The following SAMD3 variants were observed in gnomAD, a reference collection of about 807,000 sequenced individuals.
SAMD3 encodes the protein sterile alpha motif domain containing 3, also known as sterile alpha motif domain-containing protein 3.
Under a neutral mutation model 58.5 loss-of-function variants are expected in SAMD3, and 63 were observed. That is an observed-to-expected ratio of 1.08 (90% CI 0.88 to 1.33). The LOEUF (loss-of-function observed/expected upper bound fraction) is 1.33. SAMD3 is among the 40% of genes most tolerant of loss of function. The probability of loss-of-function intolerance (pLI) is 0.00; values close to 1 mark genes in which losing one functional copy is unlikely to be tolerated. For synonymous variants in SAMD3, 220 were observed against 210.3 expected, an observed-to-expected ratio of 1.05 and a Z score of -0.40; for missense variants, 604 against 608.4, an observed-to-expected ratio of 0.99 and a Z score of 0.08.
chr6:130,163,924 C>A (rs1790489644), intron 8 of SAMD3, among the ~76,000 whole-genome samples: 2 of 151,706 alleles, frequency 1.3e-5, no homozygotes, highest in Middle Eastern at 3.4e-3. Flanking sequence ...TATATGTACC[C>A]AATAAGTAGG....
intron 2 of SAMD3, among the ~76,000 whole-genome samples, chr6:130,293,526 TG>T (rs1337061621): frequency 1.5e-4 from 22 of 151,688 alleles, no homozygotes; most frequent in Non-Finnish European, 7.4e-5. Flanking sequence ...TTTGTGACCA[TG>T]TTTTTTTGTG....
At chr6:130,320,365 C>T (rs929906838) in intron 1 of SAMD3, among the ~76,000 whole-genome samples, 2 of 151,980 alleles carry the variant, frequency 1.3e-5, no homozygotes, top group Admixed American at 1.3e-4. Context: ...TCACTATGCA[C>T]GTATTAGAAT....
At chr6:130,308,426 T>TTCTAC (rs1776020474) in intron 2 of SAMD3, among the ~76,000 whole-genome samples, 1 of 142,104 alleles carries the variant, frequency 7.0e-6, no homozygotes. Context: ...TTCTATTCTA[T>TTCTAC]TCTATTCTAT....
At chr6:130,284,673 G>A (rs901384384) in intron 2 of SAMD3, among the ~76,000 whole-genome samples, 2 of 152,066 alleles carry the variant, frequency 1.3e-5, no homozygotes, top group African/African-American at 4.8e-5. Flanking sequence ...TAAAGTAAAA[G>A]GATGAGAAAA....
At chr6:130,270,368 C>T (rs12199779) in intron 2 of SAMD3, among the ~76,000 whole-genome samples, 3,346 of 152,330 alleles carry the variant, frequency 0.022, 45 homozygotes, top group Non-Finnish European at 0.028. Context: ...GCTGGGATTA[C>T]GGGCTTGAGC....
chr6:130,214,732 T>G (rs1795884472), intron 3 of SAMD3, among the ~76,000 whole-genome samples: 1 of 152,294 alleles, frequency 6.6e-6, no homozygotes, highest in South Asian at 2.1e-4. Context: ...TACCAGAACA[T>G]GGAATCACAA....
chr6:130,157,362 A>G (rs1789884974), intron 8 of SAMD3, among the ~76,000 whole-genome samples: 1 of 150,828 alleles, frequency 6.6e-6, no homozygotes, highest in Non-Finnish European at 1.5e-5. Context: ...TTTTTGAGAC[A>G]AGGTCTCACT....
chr6:130,167,343 G>C (rs35081495), intron 8 of SAMD3, among the ~76,000 whole-genome samples: 2,112 of 152,200 alleles, frequency 0.014, 28 homozygotes, highest in Middle Eastern at 0.075. Flanking sequence ...GATAGAAATG[G>C]GGACAGAAAG....
At chr6:130,262,269 A>G (rs1347977207) in intron 2 of SAMD3, among the ~76,000 whole-genome samples, 1 of 152,030 alleles carries the variant, frequency 6.6e-6, no homozygotes, top group Non-Finnish European at 1.5e-5. Context: ...AATGCATTCA[A>G]TTTGTAGTGG....
At chr6:130,176,516 A>C (rs71572909) in intron 7 of SAMD3, among the ~76,000 whole-genome samples, 14,439 of 152,306 alleles carry the variant, frequency 0.095, 1,093 homozygotes, top group African/African-American at 0.21. Context: ...GTTTCAAACA[A>C]AAAGACCAAC....
At chr6:130,315,323 T>C (rs1479179495) in intron 1 of SAMD3, among the ~76,000 whole-genome samples, 2 of 152,156 alleles carry the variant, frequency 1.3e-5, no homozygotes, top group Admixed American at 1.3e-4. Context: ...AAACTTGGAA[T>C]GGAAGAGTTA....
At chr6:130,327,952 G>A (rs1301772414) in intron 1 of SAMD3, among the ~76,000 whole-genome samples, 1 of 152,116 alleles carries the variant, frequency 6.6e-6, no homozygotes, top group Admixed American at 6.6e-5. Context: ...GGCAAGCATT[G>A]TTTATCTCCA....
chr6:130,196,497 C>T (rs1042420145), intron 5 of SAMD3, among the ~76,000 whole-genome samples: 2 of 152,152 alleles, frequency 1.3e-5, no homozygotes, highest in African/African-American at 4.8e-5. Flanking sequence ...ACCCTGATCA[C>T]ACTTAGTTTA....
intron 5 of SAMD3, among the ~76,000 whole-genome samples, chr6:130,200,557 C>CAAAAA (rs11375395): frequency 6.2e-5 from 6 of 97,182 alleles, no homozygotes; most frequent in Non-Finnish European, 9.6e-5. Context: ...CCCCGACCCA[C>CAAAAA]AAAAAAAAAA....
intron 1 of SAMD3, among the ~76,000 whole-genome samples, chr6:130,346,023 T>G (rs1777438042): frequency 6.6e-6 from 1 of 152,210 alleles, no homozygotes; most frequent in African/African-American, 2.4e-5. Context: ...ACTTTATCTT[T>G]TTGCAATATG....
downstream of SAMD3, among the ~76,000 whole-genome samples, chr6:130,143,546 C>T (rs939026904): frequency 6.6e-6 from 1 of 152,060 alleles, no homozygotes; most frequent in Non-Finnish European, 1.5e-5. Flanking sequence ...GCCCGGCCCA[C>T]ATGAGCCTTT....
chr6:130,153,222 A>G (rs957027441), intron 9 of SAMD3, among the ~76,000 whole-genome samples: 1 of 152,184 alleles, frequency 6.6e-6, no homozygotes, highest in African/African-American at 2.4e-5. Context: ...TCCATTTGGC[A>G]TACTTTTCTA....
At chr6:130,343,905 C>T (rs1777354612) in intron 1 of SAMD3, among the ~76,000 whole-genome samples, 1 of 151,808 alleles carries the variant, frequency 6.6e-6, no homozygotes, top group Admixed American at 6.6e-5. Context: ...GTGGAAGTTA[C>T]AGTGAACCGA....
At chr6:130,362,161 A>G (rs1012790739) in intron 1 of SAMD3, among the ~76,000 whole-genome samples, 2 of 152,244 alleles carry the variant, frequency 1.3e-5, no homozygotes, top group African/African-American at 2.4e-5. Flanking sequence ...GGGAAGTCAG[A>G]GGACATATGA....
Sources: gnomAD v4.1 joint callset for allele counts (sites outside exome capture counted in the v4.1 genomes callset) on GRCh38, gnomAD v4.1.1 for gene constraint, MANE v1.5 for transcripts, NCBI Gene and HGNC (gene_info 2026-07-23, HGNC 2026-07-21) for gene names.